Variants in SHTN1 observed in about 807,000 individuals in gnomAD.
SHTN1 encodes shootin 1.
A neutral mutation model predicts 83.1 loss-of-function variants in SHTN1; 42 were observed. The ratio of observed to expected loss-of-function variants is 0.51; its 90% CI spans 0.39 to 0.65. The LOEUF is 0.65. Ranked by LOEUF, SHTN1 falls within the 30% of genes least tolerant of loss-of-function variation. SHTN1 has a pLI of 0.00. For missense variants in SHTN1, 622 were observed against 737.8 expected, an observed-to-expected ratio of 0.84 and a Z score of 1.82; for synonymous variants, 224 against 247.7, an observed-to-expected ratio of 0.90 and a Z score of 0.90.
At chr10:116,929,232 A>G (rs555922067) in intron 10 of SHTN1, among the ~76,000 whole-genome samples, 2 of 152,312 alleles carry the variant, frequency 1.3e-5, no homozygotes, top group East Asian at 3.9e-4. Context: ...TCCAACAGAG[A>G]CTTACACATA....
intron 2 of SHTN1, among the ~76,000 whole-genome samples, chr10:117,028,665 A>G (rs1345955389): frequency 6.6e-6 from 1 of 152,106 alleles, no homozygotes; most frequent in Non-Finnish European, 1.5e-5. Flanking sequence ...ACTTCTTTAG[A>G]GGGCCACTGC....
chr10:117,039,810 G>T (rs766228413), intron 2 of SHTN1, among the ~76,000 whole-genome samples: 1 of 148,996 alleles, frequency 6.7e-6, no homozygotes, highest in East Asian at 2.0e-4. Context: ...CCAAGATTGC[G>T]CCCCTGCACT....
intron 1 of SHTN1, among the ~76,000 whole-genome samples, chr10:116,983,375 A>G (rs752501798): frequency 2.0e-5 from 3 of 152,210 alleles, no homozygotes; most frequent in Non-Finnish European, 4.4e-5. Flanking sequence ...AGTGTCCTGC[A>G]TGGCAGACAG....
At chr10:116,927,625 G>A (rs187521932) in intron 11 of SHTN1, among the ~76,000 whole-genome samples, 167 bp downstream of exon 11, 28 of 152,306 alleles carry the variant, frequency 1.8e-4, no homozygotes, top group Middle Eastern at 3.4e-3. Context: ...TACAATTCAA[G>A]AGGAAATTTG....
intron 1 of SHTN1, among the ~76,000 whole-genome samples, chr10:117,083,673 C>G (rs1853305917): frequency 6.6e-6 from 1 of 151,736 alleles, no homozygotes; most frequent in Non-Finnish European, 1.5e-5. Flanking sequence ...TCAGGTACAC[C>G]AGTCAGACGT....
Position 117,058,723 on chromosome 10 carries a change from A to G in SHTN1, c.-188-10213T>C, listed in dbSNP as rs183805644. On this transcript the variant is annotated intron_variant, in intron 1 of 17. Coordinates refer to the SHTN1 transcript ENST00000392901. ...TTGTACACCTATGTTCATGGCAGCC[A>G]TAGCCAAAAGCAACCCAAGTATCCA... is the stretch of plus-strand genomic sequence containing the variant. Among the ~76,000 whole-genome samples the G allele has an allele frequency of 1.8e-4, 28 of 152,342 alleles. 1 individual carries two copies. In the East Asian group the frequency reaches 5.4e-3, roughly 29 times the overall value.
rs139275689 is a variant in SHTN1 at position 117,086,899 on chromosome 10, T to G, written c.-188-38389A>C. Among the ~76,000 whole-genome samples the G allele has an allele frequency of 1.3e-3, 205 of 152,300 alleles. 2 individuals carry two copies. The East Asian group carries it at 0.034, about 26-fold the overall frequency. On this transcript the variant is annotated intron_variant, in intron 1 of 17. Coordinates refer to the SHTN1 transcript ENST00000392901. ...GGATAAACAAAATGTGGCACATACA[T>G]ATGATGGAATATTATTTGCCATAAA...
At chr10:116,951,618 T>G (rs112424823) in intron 6 of SHTN1, among the ~76,000 whole-genome samples, 5 of 152,206 alleles carry the variant, frequency 3.3e-5, no homozygotes, top group Middle Eastern at 3.2e-3. Context: ...CTTGAAATAG[T>G]AGCTACTATT....
At chr10:116,985,172 A>T (rs149108521) in intron 1 of SHTN1, among the ~76,000 whole-genome samples, 27 of 152,262 alleles carry the variant, frequency 1.8e-4, no homozygotes, top group African/African-American at 6.3e-4. Context: ...TTCCTACCCG[A>T]TTCACTGCTA....
rs759962339 is a variant in SHTN1 at position 116,929,865 on chromosome 10, T to C, written c.996A>G (p.Arg332=). The change falls in exon 10 of 17, where the codon AGA becomes AGG. Residue 332 remains arginine (R), a synonymous_variant. Coordinates refer to ENST00000355371, the MANE Select transcript of SHTN1 (RefSeq NM_001127211.3). ...TGCTTTTACCAGAGTGCTTTAAATTTCTGGCTTTCTCTTCAGAATTCTGAT... is the reference window on the plus strand; with the variant it reads ...TGCTTTTACCAGAGTGCTTTAAATTCCTGGCTTTCTCTTCAGAATTCTGAT... ...LKYQNSEEKA[R]NLKHSVDELQ... The C allele has an allele frequency of 6.9e-6, 11 of 1,603,376 alleles. No individual in the cohort carries two copies. In the East Asian group the frequency reaches 2.2e-4, roughly 33 times the overall value.
At chr10:117,085,019 T>G (rs935144392) in intron 1 of SHTN1, among the ~76,000 whole-genome samples, 1 of 152,186 alleles carries the variant, frequency 6.6e-6, no homozygotes, top group Admixed American at 6.5e-5. Context: ...GGCTGGGAGC[T>G]GTAGACCAGA....
chr10:117,124,197 G>A (rs1853972647), intron 1 of SHTN1, among the ~76,000 whole-genome samples: 1 of 147,442 alleles, frequency 6.8e-6, no homozygotes, highest in African/African-American at 2.5e-5. Flanking sequence ...GGGTGACAGA[G>A]CAAGATTATG....
intron 9 of SHTN1, among the ~76,000 whole-genome samples, chr10:116,935,634 G>A (rs1418824756): frequency 6.6e-6 from 1 of 152,042 alleles, no homozygotes; most frequent in Admixed American, 6.6e-5. Flanking sequence ...TTCTTTTTTT[G>A]TTGTGTTTCT....
At chr10:117,043,576 C>G (rs1054431105) in intron 2 of SHTN1, among the ~76,000 whole-genome samples, 1 of 152,172 alleles carries the variant, frequency 6.6e-6, no homozygotes, top group African/African-American at 2.4e-5. Context: ...CATGGTGGCT[C>G]ATGCCTGTAA....
In SHTN1 at chr10:117,047,600, G is replaced by C. The variant is rs549142078; in HGVS notation, c.-123+845C>G. On this transcript the variant is annotated intron_variant, in intron 2 of 17. Transcript: ENST00000392901. ...TCTCAGATACAGTAGTTGAGATAAAGCAGGCAATGATTAACTCTCTCTGGT... is the reference window on the plus strand; with the variant it reads ...TCTCAGATACAGTAGTTGAGATAAACCAGGCAATGATTAACTCTCTCTGGT... Among the ~76,000 whole-genome samples, 4 of 152,164 alleles carry C rather than the reference G, an allele frequency of 2.6e-5. No homozygotes were observed. In the South Asian group the frequency reaches 8.3e-4, roughly 32 times the overall value.
intron 16 of SHTN1, among the ~76,000 whole-genome samples, chr10:116,889,167 A>G (rs1183823475): frequency 6.6e-6 from 1 of 152,244 alleles, no homozygotes; most frequent in Non-Finnish European, 1.5e-5. Flanking sequence ...GGTGGTGCAC[A>G]GATCCTAGAA....
intron 1 of SHTN1, among the ~76,000 whole-genome samples, chr10:117,058,140 C>T (rs1465678372): frequency 6.6e-6 from 1 of 151,972 alleles, no homozygotes; most frequent in Non-Finnish European, 1.5e-5. Context: ...TTAGGTATGA[C>T]AAAAACAAGC....
At chr10:116,971,373 A>G (rs1403632637) in intron 2 of SHTN1, among the ~76,000 whole-genome samples, 1 of 152,222 alleles carries the variant, frequency 6.6e-6, no homozygotes, top group African/African-American at 2.4e-5. Context: ...TTAAACAAAC[A>G]ACATTTATGA....
chr10:117,013,689 T>C (rs1028307324), intron 2 of SHTN1, among the ~76,000 whole-genome samples: 1 of 152,202 alleles, frequency 6.6e-6, no homozygotes, highest in African/African-American at 2.4e-5. Context: ...TACAGCCGCT[T>C]TGAAAGACAA....
Sources: gnomAD v4.1 joint callset for allele counts (sites outside exome capture counted in the v4.1 genomes callset) on GRCh38, gnomAD v4.1.1 for gene constraint, MANE v1.5 for transcripts, NCBI Gene and HGNC (gene_info 2026-07-23, HGNC 2026-07-21) for gene names.